Variants in MBOAT1 observed in about 807,000 individuals in gnomAD.
MBOAT1 encodes the protein membrane bound glycerophospholipid O-acyltransferase 1.
Under a neutral mutation model 64.4 loss-of-function variants are expected in MBOAT1, and 67 were observed. The ratio of observed to expected loss-of-function variants is 1.04; its 90% CI spans 0.85 to 1.27. The LOEUF (loss-of-function observed/expected upper bound fraction) is 1.27, where lower values mean the gene tolerates loss of function less well. Among genes scored for constraint, MBOAT1 ranks in the 50% most tolerant of loss-of-function variants. The probability of loss-of-function intolerance (pLI) is 0.00; values close to 1 mark genes in which losing one functional copy is unlikely to be tolerated. For synonymous variants in MBOAT1, 229 were observed against 218.9 expected (o/e 1.05, Z -0.41); for missense variants, 563 against 604.6 (o/e 0.93, Z 0.72).
intron 12 of MBOAT1, among the ~76,000 whole-genome samples, chr6:20,102,777 A>T (rs13218272): frequency 0.044 from 6,641 of 152,320 alleles, 168 homozygotes; most frequent in Middle Eastern, 0.061. Flanking sequence ...ATACTGTCAT[A>T]TGACACTTAA....
chr6:20,114,984 G>T (rs1303098244), intron 10 of MBOAT1, among the ~76,000 whole-genome samples: 1 of 152,064 alleles, frequency 6.6e-6, no homozygotes, highest in Non-Finnish European at 1.5e-5. Context: ...ACCTCTCTGG[G>T]TCTCACTTTC....
At chr6:20,132,037 C>T (rs1345352997) in intron 4 of MBOAT1, among the ~76,000 whole-genome samples, 1 of 152,134 alleles carries the variant, frequency 6.6e-6, no homozygotes, top group Admixed American at 6.5e-5. Flanking sequence ...TATATACCAT[C>T]GCGCCCGGCT....
chr6:20,124,621 G>A, intron 7 of MBOAT1, 21 bp from the exon 8 acceptor site: 2 of 1,612,208 alleles, frequency 1.2e-6, no homozygotes, highest in South Asian at 2.2e-5. Flanking sequence ...GGAAAAATCA[G>A]TGTCACCGTG....
At chr6:20,212,002 A>ACACACG (rs1763440667) in intron 1 of MBOAT1, 134 bp downstream of exon 1, 1 of 722,580 alleles carries the variant, frequency 1.4e-6, no homozygotes, top group Admixed American at 2.5e-5. Flanking sequence ...ACACACACAC[A>ACACACG]CAAAAACCAA....
chr6:20,169,410 A>C (rs1762126714), intron 1 of MBOAT1, among the ~76,000 whole-genome samples: 1 of 152,356 alleles, frequency 6.6e-6, no homozygotes, highest in South Asian at 2.1e-4. Context: ...CAACTCCAAG[A>C]GTGCAGGGAC....
chr6:20,138,393 C>CA (rs1761066622), intron 4 of MBOAT1, among the ~76,000 whole-genome samples: 1 of 151,910 alleles, frequency 6.6e-6, no homozygotes. Flanking sequence ...CGAGGAGATC[C>CA]AAAAAATGCC....
At chr6:20,103,398 TTTG>T (rs374908993) in intron 12 of MBOAT1, among the ~76,000 whole-genome samples, 2 of 151,996 alleles carry the variant, frequency 1.3e-5, no homozygotes, top group Non-Finnish European at 2.9e-5. Context: ...GTACCACGTT[TTTG>T]TTGTTGTTGT....
chr6:20,121,050 T>C (rs1387593860), intron 8 of MBOAT1, among the ~76,000 whole-genome samples: 2 of 152,230 alleles, frequency 1.3e-5, no homozygotes, highest in Non-Finnish European at 2.9e-5. Context: ...TAACTAGTAC[T>C]AGTACTAAGT....
intron 12 of MBOAT1, among the ~76,000 whole-genome samples, chr6:20,109,083 C>A (rs1010727006): frequency 6.6e-6 from 1 of 152,192 alleles, no homozygotes; most frequent in Non-Finnish European, 1.5e-5. Context: ...CCTCCTCCAG[C>A]CTCAATTCCA....
At chr6:20,184,379 T>C (rs994471394) in intron 1 of MBOAT1, among the ~76,000 whole-genome samples, 1 of 151,654 alleles carries the variant, frequency 6.6e-6, no homozygotes, top group African/African-American at 2.4e-5. Flanking sequence ...TAAGGTAATG[T>C]CATGTCACAG....
At chr6:20,129,146 T>C (rs1386847534) in intron 5 of MBOAT1, among the ~76,000 whole-genome samples, 1 of 152,186 alleles carries the variant, frequency 6.6e-6, no homozygotes, top group African/African-American at 2.4e-5. Context: ...AATACCTCCC[T>C]GGCTGCACTA....
At position 20,144,309 on chromosome 6, in the gene MBOAT1, G is replaced by A. The variant is rs780065602; in HGVS notation, c.330C>T (p.Ser110=). The A allele has an allele frequency of 1.2e-6, 2 of 1,605,670 alleles. No individual in the cohort carries two copies. The highest frequency in any genetic ancestry group is 1.3e-5 in the African/African-American group (1 of 74,784). ...TAAGATATCCCATTGCTACAAAAAA[G>A]GAATATCTGAAAGCAAAAACATAGA... ...TASVSNIHRY[S]FFVAMGYLTI... is the part of the protein sequence containing the mutation. The change falls in exon 4 of 13, where the codon TCC becomes TCT. Residue 110 remains serine, a synonymous_variant. Coordinates refer to ENST00000324607, the MANE Select transcript of MBOAT1 (RefSeq NM_001080480.3).
chr6:20,150,880 C>G (rs1196545045), intron 3 of MBOAT1, among the ~76,000 whole-genome samples: 2 of 152,074 alleles, frequency 1.3e-5, no homozygotes, highest in South Asian at 2.1e-4. Flanking sequence ...CCACGCCCAG[C>G]CTTTTCATTA....
chr6:20,126,804 T>C, intron 6 of MBOAT1, 104 bp from the exon 7 acceptor site: 1 of 802,480 alleles, frequency 1.2e-6, no homozygotes, highest in South Asian at 1.6e-5. Flanking sequence ...ATTCGATACA[T>C]GACATGACCT....
intron 4 of MBOAT1, among the ~76,000 whole-genome samples, chr6:20,137,249 C>T (rs997798507): frequency 6.6e-6 from 1 of 152,170 alleles, no homozygotes; most frequent in African/African-American, 2.4e-5. Flanking sequence ...GTGTTTACAA[C>T]AACATGTGGG....
At chr6:20,141,044 G>A (rs1367037000) in intron 4 of MBOAT1, among the ~76,000 whole-genome samples, 1 of 152,124 alleles carries the variant, frequency 6.6e-6, no homozygotes, top group African/African-American at 2.4e-5. Context: ...CATGACTCTG[G>A]GGTACAGGGA....
intron 4 of MBOAT1, among the ~76,000 whole-genome samples, chr6:20,133,632 C>T (rs140662655): frequency 1.3e-5 from 2 of 152,274 alleles, no homozygotes; most frequent in East Asian, 3.9e-4. Context: ...GCCAACCATG[C>T]TATTTGCAAA....
At chr6:20,180,879 T>C (rs1265404554) in intron 1 of MBOAT1, among the ~76,000 whole-genome samples, 2 of 152,200 alleles carry the variant, frequency 1.3e-5, no homozygotes, top group East Asian at 1.9e-4. Context: ...TGTTTTCCAA[T>C]TGGAGACCTA....
chr6:20,183,140 C>G (rs1287168043), intron 1 of MBOAT1, among the ~76,000 whole-genome samples: 1 of 152,146 alleles, frequency 6.6e-6, no homozygotes, highest in Non-Finnish European at 1.5e-5. Context: ...GACTCCCTCA[C>G]TCAAGGCACC....
Sources: gnomAD v4.1 joint callset for allele counts (sites outside exome capture counted in the v4.1 genomes callset) on GRCh38, gnomAD v4.1.1 for gene constraint, MANE v1.5 for transcripts, NCBI Gene and HGNC (gene_info 2026-07-23, HGNC 2026-07-21) for gene names.